The following RBMS3 variants were observed in gnomAD, a reference collection of about 807,000 sequenced individuals.
RBMS3 encodes RNA-binding motif, single-stranded-interacting protein 3.
In RBMS3, 27 loss-of-function variants were observed where a neutral mutation model predicts 66.8. The ratio of observed to expected loss-of-function variants is 0.40; its 90% CI spans 0.30 to 0.56. RBMS3 has a LOEUF of 0.56. Among genes scored for constraint, RBMS3 ranks in the 20% least tolerant of loss-of-function variants. The pLI is 0.40. For synonymous variants in RBMS3, 188 were observed against 183.0 expected (o/e 1.03, Z -0.22); for missense variants, 513 against 549.5 (o/e 0.93, Z 0.66).
At chr3:29,366,556 T>G (rs1402349642) in intron 1 of RBMS3, among the ~76,000 whole-genome samples, 1 of 22,472 alleles carries the variant, frequency 4.4e-5, no homozygotes, top group East Asian at 6.8e-4. Flanking sequence ...AATTTTTAAT[T>G]TTTTTTTTTG....
At chr3:29,549,955 G>A (rs1248097225) in intron 3 of RBMS3, among the ~76,000 whole-genome samples, 2 of 151,488 alleles carry the variant, frequency 1.3e-5, no homozygotes, top group East Asian at 1.9e-4. Context: ...ATATATATAG[G>A]CATTAAAAAA....
At chr3:30,003,241 G>A (rs1265093122) in intron 14 of RBMS3, among the ~76,000 whole-genome samples, 1 of 151,938 alleles carries the variant, frequency 6.6e-6, no homozygotes, top group African/African-American at 2.4e-5. Context: ...TAAGCAAAGT[G>A]GCATATAGTA....
intron 4 of RBMS3, among the ~76,000 whole-genome samples, chr3:29,675,296 A>C (rs2051195967): frequency 6.6e-6 from 1 of 152,220 alleles, no homozygotes; most frequent in African/African-American, 2.4e-5. Flanking sequence ...TAAAGACTTA[A>C]ATGTTAGACT....
intron 1 of RBMS3, among the ~76,000 whole-genome samples, chr3:29,368,466 G>A (rs931996931): frequency 6.6e-6 from 1 of 151,664 alleles, no homozygotes; most frequent in African/African-American, 2.4e-5. Context: ...ATAGGTATTC[G>A]GTAAATATTT....
chr3:29,521,850 T>C (rs1460310156), intron 3 of RBMS3, among the ~76,000 whole-genome samples: 2 of 152,258 alleles, frequency 1.3e-5, no homozygotes, highest in African/African-American at 2.4e-5. Flanking sequence ...CTCTGGAAAT[T>C]TTTAACAACC....
At position 29,494,767 on chromosome 3, in the gene RBMS3, G is replaced by A. The variant is rs558544702; in HGVS notation, c.307+6268G>A. ...TGTCTATGCCTTCCTGCTTTTGAAGGTTGGTTTCCCTTTTCTCCCTGCACC... is the reference window on the plus strand; with the variant it reads ...TGTCTATGCCTTCCTGCTTTTGAAGATTGGTTTCCCTTTTCTCCCTGCACC... On this transcript the variant is annotated intron_variant, in intron 3 of 14. Coordinates refer to ENST00000383767, the MANE Select transcript of RBMS3 (RefSeq NM_001003793.3). Among the ~76,000 whole-genome samples, 3 of 152,290 alleles carry A rather than the reference G, an allele frequency of 2.0e-5. No homozygotes were observed. The South Asian group carries it at 6.2e-4, about 32-fold the overall frequency.
Position 29,434,769 on chromosome 3 carries a change from C to T in RBMS3, c.102C>T (p.Pro34=), listed in dbSNP as rs2041335048. The T allele has an allele frequency of 6.2e-7, 1 of 1,613,932 alleles. No individual in the cohort carries two copies. The highest frequency in any genetic ancestry group is 8.5e-7 in the Non-Finnish European group (1 of 1,179,968). The change falls in exon 2 of 15, where the codon CCC becomes CCT. Residue 34 remains proline, a synonymous_variant. Transcript: ENST00000383767. ...AGTCCTATGCACCAGCTCCCCACCC[C>T]ATGGCTCCTCCCAGCCCCAGCACAA... is the stretch of plus-strand genomic sequence containing the variant. ...TKQSYAPAPH[P]MAPPSPSTNS...
At chr3:29,675,537 G>C (rs146430856) in intron 4 of RBMS3, among the ~76,000 whole-genome samples, 4,145 of 152,184 alleles carry the variant, frequency 0.027, 79 homozygotes, top group Admixed American at 0.064. Context: ...CTCTGACAAA[G>C]GGCTAATATC....
At chr3:29,473,786 G>A (rs954354679) in intron 2 of RBMS3, among the ~76,000 whole-genome samples, 1 of 152,334 alleles carries the variant, frequency 6.6e-6, no homozygotes, top group South Asian at 2.1e-4. Context: ...GGGCCGGCCA[G>A]CCCCTCCAAG....
chr3:29,342,144 T>C (rs2036315463), intron 1 of RBMS3, among the ~76,000 whole-genome samples: 1 of 152,202 alleles, frequency 6.6e-6, no homozygotes, highest in African/African-American at 2.4e-5. Flanking sequence ...AAATCAAGAA[T>C]AGTCTGTGCT....
intron 6 of RBMS3, among the ~76,000 whole-genome samples, chr3:29,857,356 C>T (rs2059104270): frequency 6.6e-6 from 1 of 151,818 alleles, no homozygotes; most frequent in African/African-American, 2.4e-5. Flanking sequence ...TTAAAAGATT[C>T]CTCCCTATCT....
chr3:29,531,740 G>A (rs2045358109), intron 3 of RBMS3, among the ~76,000 whole-genome samples: 1 of 152,134 alleles, frequency 6.6e-6, no homozygotes, highest in East Asian at 1.9e-4. Flanking sequence ...TGTTTTCCTG[G>A]TAATGACTAT....
intron 6 of RBMS3, among the ~76,000 whole-genome samples, chr3:29,773,710 C>G (rs541782485): frequency 1.2e-3 from 187 of 152,072 alleles, no homozygotes; most frequent in Non-Finnish European, 1.1e-3. Context: ...CCTGTTTTGC[C>G]TGTGAGCAGT....
At chr3:29,883,998 T>A (rs960119657) in intron 7 of RBMS3, among the ~76,000 whole-genome samples, 164 bp from the exon 8 acceptor site, 1 of 152,006 alleles carries the variant, frequency 6.6e-6, no homozygotes, top group South Asian at 2.1e-4. Context: ...GGTTTGTGGA[T>A]AGTAAAAATG....
intron 2 of RBMS3, among the ~76,000 whole-genome samples, chr3:29,446,471 G>T (rs1298871925): frequency 2.6e-5 from 4 of 151,852 alleles, no homozygotes; most frequent in Admixed American, 6.6e-5. Context: ...ATATTATCTT[G>T]TAGTATTGTG....
rs1263015082 is a variant in RBMS3, at chr3:29,830,313, A to G, written c.638-38545A>G. ...AAGTCAAGGTTTAATTCAAAACAGA[A>G]CATTTTAGTTTGTGTATAGAAAAAC... On this transcript the variant is annotated intron_variant, in intron 6 of 14. Transcript: ENST00000383767. Among the ~76,000 whole-genome samples the G allele has an allele frequency of 3.9e-5, 6 of 152,278 alleles. No homozygotes were observed. In the South Asian group the frequency reaches 1.0e-3, roughly 26 times the overall value.
chr3:29,404,029 C>CA (rs1187371159), intron 1 of RBMS3, among the ~76,000 whole-genome samples: 1 of 152,078 alleles, frequency 6.6e-6, no homozygotes. Flanking sequence ...TCTGTACAGA[C>CA]ACCAGTATCC....
intron 2 of RBMS3, among the ~76,000 whole-genome samples, chr3:29,446,749 C>T (rs2041845650): frequency 6.6e-6 from 1 of 152,074 alleles, no homozygotes; most frequent in African/African-American, 2.4e-5. Flanking sequence ...TCATAGTCAA[C>T]ATGTGTCTAT....
intron 3 of RBMS3, among the ~76,000 whole-genome samples, chr3:29,579,717 A>G (rs966301901): frequency 1.3e-5 from 2 of 152,202 alleles, no homozygotes; most frequent in African/African-American, 4.8e-5. Context: ...TTTTATTTGT[A>G]TATTTGAACA....
Sources: allele counts gnomAD v4.1 joint callset (sites outside exome capture counted in the v4.1 genomes callset), GRCh38; gene constraint gnomAD v4.1.1; transcripts MANE v1.5; gene names NCBI Gene and HGNC (gene_info 2026-07-23, HGNC 2026-07-21).